Variants in CA5A observed in about 807,000 individuals in gnomAD.
The protein encoded by CA5A is carbonic anhydrase 5A, also known as carbonic anhydrase 5A, mitochondrial.
In CA5A, 28 loss-of-function variants were observed where a neutral mutation model predicts 37.1. The observed-to-expected ratio is 0.75, with a 90% CI of 0.56 to 1.03. The LOEUF is 1.03. CA5A is among the 50% of genes least tolerant of loss of function. CA5A has a pLI of 0.00. For missense variants in CA5A, 444 were observed against 399.9 expected (o/e 1.11, Z -0.94); for synonymous variants, 171 against 158.4 (o/e 1.08, Z -0.60).
rs188857265 is a variant in CA5A, at chr16:87,899,592, C to T, written c.618+2320G>A. ...TGCTAGGATTACAGGCGTGAGCCAC[C>T]GCACCCAGCCTCTTAAGGTCTTTTA... On this transcript the variant is annotated intron_variant, in intron 5 of 6. Coordinates refer to ENST00000649794, the MANE Select transcript of CA5A (RefSeq NM_001739.2). Among the ~76,000 whole-genome samples, 10 of 150,666 alleles carry T rather than the reference C, an allele frequency of 6.6e-5. No individual in the cohort carries two copies. The East Asian group carries it at 1.4e-3, about 21-fold the overall frequency.
rs769040032 is a variant in CA5A at position 87,902,467 on chromosome 16, G to T, written c.513C>A (p.Val171=). Residue 171 remains valine, a synonymous_variant, in exon 4 of 7, where the codon GTC becomes GTA. Transcript: ENST00000649794. The part of the protein sequence containing the change: ...SVKYQNYKEA[V]VGENGLAVIG... ...TCACAGCCAAACCATTCTCTCCCAC[G>T]ACAGCTTCCTTGTAATTTTGGTATT... 6.2e-6 allele frequency: 10 copies of T among 1,612,104 alleles called. No individual in the cohort carries two copies. Among genetic ancestry groups the T allele is most frequent in the Admixed American group, 3.3e-5 (2 of 59,960 alleles).
At chr16:87,912,732 C>T (rs1246943811) in intron 2 of CA5A, among the ~76,000 whole-genome samples, 1 of 152,198 alleles carries the variant, frequency 6.6e-6, no homozygotes, top group East Asian at 1.9e-4. Context: ...CCAGGAGGGC[C>T]CCCGTGGAAG....
chr16:87,936,094 C>G (rs1478812704), intron 1 of CA5A, among the ~76,000 whole-genome samples: 1 of 151,566 alleles, frequency 6.6e-6, no homozygotes, highest in Non-Finnish European at 1.5e-5. Context: ...ATCGCTTGAA[C>G]CCGGGAAGTG....
At chr16:87,907,208 ACT>A (rs756846247) in intron 2 of CA5A, among the ~76,000 whole-genome samples, 2 of 151,816 alleles carry the variant, frequency 1.3e-5, no homozygotes, top group East Asian at 3.9e-4. Context: ...ACAGAGTGAG[ACT>A]CTGTCTCAAA....
intron 2 of CA5A, among the ~76,000 whole-genome samples, chr16:87,925,368 A>C (rs2056290604): frequency 6.6e-6 from 1 of 152,178 alleles, no homozygotes; most frequent in African/African-American, 2.4e-5. Context: ...ACCAGGGAAG[A>C]CGGACAGGAC....
intron 3 of CA5A, among the ~76,000 whole-genome samples, chr16:87,902,916 A>C (rs1422592070): frequency 1.3e-5 from 2 of 150,176 alleles, no homozygotes. Flanking sequence ...CATCTCACAA[A>C]AAAAAAAAAA....
At chr16:87,897,904 T>G (rs1166036801) in intron 5 of CA5A, among the ~76,000 whole-genome samples, 1 of 152,082 alleles carries the variant, frequency 6.6e-6, no homozygotes, top group African/African-American at 2.4e-5. Flanking sequence ...TCCGCCGAGG[T>G]GTAGGGTGAT....
At chr16:87,917,217 G>A (rs116111158) in intron 2 of CA5A, among the ~76,000 whole-genome samples, 30 of 152,004 alleles carry the variant, frequency 2.0e-4, no homozygotes, top group African/African-American at 6.8e-4. Context: ...CAACATGATC[G>A]CACCCCTGGT....
chr16:87,929,058 C>T (rs1370339495), intron 1 of CA5A, among the ~76,000 whole-genome samples: 9 of 150,104 alleles, frequency 6.0e-5, no homozygotes, highest in East Asian at 2.0e-4. Context: ...CGTGAGCCAC[C>T]GCGCCCAGCC....
chr16:87,904,042 C>A (rs569331936), intron 3 of CA5A, among the ~76,000 whole-genome samples: 1 of 152,138 alleles, frequency 6.6e-6, no homozygotes, highest in Non-Finnish European at 1.5e-5. Context: ...GAAAATAAGA[C>A]TGCTTTAAGA....
intron 5 of CA5A, 104 bp from the exon 6 acceptor site, chr16:87,892,058 T>C (rs1597542170): frequency 1.8e-6 from 2 of 1,114,754 alleles, no homozygotes; most frequent in Admixed American, 3.6e-5. Context: ...AAGGAAGTGC[T>C]TTCCCCCAGA....
At chr16:87,889,588 A>G (rs943484400) in intron 6 of CA5A, among the ~76,000 whole-genome samples, 1 of 151,892 alleles carries the variant, frequency 6.6e-6, no homozygotes, top group Non-Finnish European at 1.5e-5. Flanking sequence ...AGCCTGGCCA[A>G]CATGGAGAAA....
chr16:87,893,128 T>TTCTG, intron 5 of CA5A: 1 of 477,428 alleles, frequency 2.1e-6, no homozygotes, highest in African/African-American at 2.2e-5. Context: ...CTTTCTTCCT[T>TTCTG]TCTTTCTTTC....
chr16:87,904,926 C>T (rs769705892), intron 2 of CA5A, 22 bp from the exon 3 acceptor site: 36 of 1,468,804 alleles, frequency 2.5e-5, no homozygotes, highest in South Asian at 2.0e-4. Context: ...GGCAGTGAGA[C>T]GTGTGTGTCA....
At chr16:87,909,476 C>G (rs2056017562) in intron 2 of CA5A, among the ~76,000 whole-genome samples, 2 of 152,240 alleles carry the variant, frequency 1.3e-5, no homozygotes, top group Admixed American at 1.3e-4. Flanking sequence ...GGCTGGGCCG[C>G]TGCGTTTTCG....
intron 2 of CA5A, among the ~76,000 whole-genome samples, chr16:87,919,678 C>G (rs4843279): frequency 0.67 from 102,560 of 152,042 alleles, 35,502 homozygotes; most frequent in African/African-American, 0.83. Flanking sequence ...GCTTAAGCCA[C>G]TTTGAGGTGG....
intron 5 of CA5A, chr16:87,892,943 G>C (rs917752375): frequency 2.4e-6 from 2 of 823,388 alleles, no homozygotes; most frequent in Non-Finnish European, 3.9e-6. Context: ...CACTGTGCCC[G>C]GCCTATGGGC....
chr16:87,921,333 T>G (rs2056226672), intron 2 of CA5A, among the ~76,000 whole-genome samples: 1 of 152,230 alleles, frequency 6.6e-6, no homozygotes, highest in African/African-American at 2.4e-5. Context: ...TGGCTTCAGG[T>G]ACAGCTACAT....
At chr16:87,904,629 G>T (rs965576374) in intron 3 of CA5A, among the ~76,000 whole-genome samples, 157 bp downstream of exon 3, 1 of 152,166 alleles carries the variant, frequency 6.6e-6, no homozygotes, top group Non-Finnish European at 1.5e-5. Context: ...TGACTAAACG[G>T]GTGGGGCGGC....
Sources: allele counts gnomAD v4.1 joint callset (sites outside exome capture counted in the v4.1 genomes callset), GRCh38; gene constraint gnomAD v4.1.1; transcripts MANE v1.5; gene names NCBI Gene and HGNC (gene_info 2026-07-23, HGNC 2026-07-21).